NCAM2: variants seen among roughly 807,000 people sequenced by gnomAD.
NCAM2 encodes the protein neural cell adhesion molecule 2, also known as N-CAM-2.
In NCAM2, 30 loss-of-function variants were observed where a neutral mutation model predicts 98.1. The observed-to-expected ratio is 0.31, with a 90% CI of 0.23 to 0.41. The LOEUF (loss-of-function observed/expected upper bound fraction) is 0.41, where lower values mean the gene tolerates loss of function less well. Among genes scored for constraint, NCAM2 ranks in the 10% least tolerant of loss-of-function variants. The pLI, the probability that NCAM2 is intolerant of heterozygous loss-of-function variation, is 1.00. For missense variants in NCAM2, 867 were observed against 1,005.8 expected (o/e 0.86, Z 1.87); for synonymous variants, 368 against 342.4 (o/e 1.07, Z -0.83).
At chr21:21,381,026 G>A (rs928061893) in intron 9 of NCAM2, among the ~76,000 whole-genome samples, 1 of 152,094 alleles carries the variant, frequency 6.6e-6, no homozygotes, top group Non-Finnish European at 1.5e-5. Flanking sequence ...TAACCTGTCT[G>A]CATTTTTATG....
chr21:21,171,443 C>T (rs2068121065), intron 1 of NCAM2, among the ~76,000 whole-genome samples: 1 of 152,120 alleles, frequency 6.6e-6, no homozygotes, highest in Non-Finnish European at 1.5e-5. Flanking sequence ...ATTGAGAAAA[C>T]TGTGAGGTAC....
At chr21:21,466,532 C>T in intron 12 of NCAM2, 74 bp from the exon 13 acceptor site, 23 of 1,105,622 alleles carry the variant, frequency 2.1e-5, no homozygotes, top group South Asian at 8.5e-5. Flanking sequence ...ATTTGTTTTC[C>T]TTATTAAAAT....
At chr21:21,518,227 A>G (rs1468307945) in intron 16 of NCAM2, among the ~76,000 whole-genome samples, 2 of 152,142 alleles carry the variant, frequency 1.3e-5, no homozygotes, top group African/African-American at 4.8e-5. Flanking sequence ...TTGTTTGTCT[A>G]TGACCATTTG....
At chr21:21,337,951 G>C (rs2074920786) in intron 7 of NCAM2, among the ~76,000 whole-genome samples, 1 of 151,952 alleles carries the variant, frequency 6.6e-6, no homozygotes, top group African/African-American at 2.4e-5. Context: ...TAAACCAATT[G>C]TGTGTGCATG....
At position 21,324,515 on chromosome 21, in the gene NCAM2, C is replaced by G; in HGVS notation, c.737+15C>G. The G allele has an allele frequency of 6.5e-7, 1 of 1,542,904 alleles. No homozygotes were observed. The highest frequency in any genetic ancestry group is 1.1e-5 in the South Asian group (1 of 89,074). ...TCCTGGTTCAGGTAGGTTATGCACC[C>G]CCCTCCCTCTGGCTTGTGTCCATTA... On this transcript the variant is annotated intron_variant, in intron 6 of 17. Coordinates refer to ENST00000400546, the MANE Select transcript of NCAM2 (RefSeq NM_004540.5).
chr21:21,185,634 G>C (rs1171482407), intron 1 of NCAM2, among the ~76,000 whole-genome samples: 1 of 152,112 alleles, frequency 6.6e-6, no homozygotes, highest in East Asian at 1.9e-4. Flanking sequence ...GTATCACCCA[G>C]CTGTTCTACT....
chr21:21,225,263 G>A (rs1040889934), intron 1 of NCAM2, among the ~76,000 whole-genome samples: 3 of 151,978 alleles, frequency 2.0e-5, no homozygotes, highest in South Asian at 2.1e-4. Context: ...TCAGGGGGTC[G>A]GGAGGGAGAG....
intron 1 of NCAM2, among the ~76,000 whole-genome samples, chr21:21,260,469 C>T (rs1339926308): frequency 6.6e-6 from 1 of 151,530 alleles, no homozygotes; most frequent in Non-Finnish European, 1.5e-5. Context: ...TACAAATTAC[C>T]TATGAAGGAA....
intron 8 of NCAM2, among the ~76,000 whole-genome samples, chr21:21,352,916 C>T (rs1156836394): frequency 1.3e-5 from 2 of 151,312 alleles, no homozygotes; most frequent in Non-Finnish European, 2.9e-5. Flanking sequence ...TGCAGTGGCA[C>T]GATCCCAGCC....
intron 1 of NCAM2, among the ~76,000 whole-genome samples, chr21:21,085,254 A>G (rs992114959): frequency 2.2e-4 from 33 of 152,072 alleles, no homozygotes; most frequent in Non-Finnish European, 3.5e-4. Context: ...ACTTCCTTCA[A>G]AAAGGGAGTT....
intron 3 of NCAM2, among the ~76,000 whole-genome samples, chr21:21,284,762 T>C (rs182544775): frequency 6.6e-6 from 1 of 151,660 alleles, no homozygotes; most frequent in Non-Finnish European, 1.5e-5. Context: ...AATGAAAATG[T>C]GTGACAGCAC....
chr21:21,496,812 G>A (rs1050023150), intron 15 of NCAM2, among the ~76,000 whole-genome samples: 3 of 152,084 alleles, frequency 2.0e-5, no homozygotes, highest in African/African-American at 4.8e-5. Context: ...TAGGGATCCA[G>A]ATAAAATCTT....
Position 20,998,548 on chromosome 21 carries a change from GTGTCACGTCC to G in NCAM2, c.-13_-4del. ...TTAATAACTTTGAAACTGTCCACCG[GTGTCACGTCC>G]TGAACATGAGCCTCCTCCTCTCCTT... On this transcript the variant is annotated 5_prime_UTR_variant, in exon 1 of 18. Transcript: ENST00000400546. The G allele has an allele frequency of 6.2e-7, 1 of 1,613,530 alleles. No homozygotes were observed. Among genetic ancestry groups the G allele is most frequent in the Non-Finnish European group, 8.5e-7 (1 of 1,179,526 alleles).
intron 8 of NCAM2, 134 bp from the exon 9 acceptor site, chr21:21,373,729 C>T: frequency 1.3e-6 from 1 of 761,716 alleles, no homozygotes; most frequent in East Asian, 3.1e-5. Flanking sequence ...ACAAGAAATA[C>T]TTTCTACATC....
chr21:21,370,380 T>G (rs1190743487), intron 8 of NCAM2, among the ~76,000 whole-genome samples: 2 of 151,916 alleles, frequency 1.3e-5, no homozygotes, highest in Non-Finnish European at 2.9e-5. Flanking sequence ...TGTCTAATTT[T>G]TGAAACCAAA....
intron 9 of NCAM2, 63 bp from the exon 10 acceptor site, chr21:21,410,211 T>C (rs977651315): frequency 1.2e-6 from 1 of 850,782 alleles, no homozygotes; most frequent in Non-Finnish European, 1.7e-6. Flanking sequence ...ATGCTTATAC[T>C]ACTTAAATGA....
At chr21:21,155,172 T>C (rs2067574889) in intron 1 of NCAM2, among the ~76,000 whole-genome samples, 1 of 149,908 alleles carries the variant, frequency 6.7e-6, no homozygotes, top group Non-Finnish European at 1.5e-5. Flanking sequence ...TGATGGATAT[T>C]GGTCTTATTG....
intron 1 of NCAM2, among the ~76,000 whole-genome samples, chr21:21,121,243 AAC>A (rs2066669425): frequency 6.6e-6 from 1 of 152,306 alleles, no homozygotes; most frequent in East Asian, 1.9e-4. Context: ...TATAGTGAAT[AAC>A]ACAGATCATT....
intron 1 of NCAM2, among the ~76,000 whole-genome samples, chr21:21,216,247 A>G (rs1372168607): frequency 1.3e-5 from 2 of 152,174 alleles, no homozygotes; most frequent in Non-Finnish European, 2.9e-5. Context: ...AACATCTGGG[A>G]AAGAAAATAC....
Sources: gnomAD v4.1 joint callset for allele counts (sites outside exome capture counted in the v4.1 genomes callset) on GRCh38, gnomAD v4.1.1 for gene constraint, MANE v1.5 for transcripts, NCBI Gene and HGNC (gene_info 2026-07-23, HGNC 2026-07-21) for gene names.